The following CREB3L2 variants were observed in gnomAD, a reference collection of about 807,000 sequenced individuals.
The protein encoded by CREB3L2 is cyclic AMP-responsive element-binding protein 3-like protein 2.
CREB3L2 carries 23 observed loss-of-function variants against 57.2 expected under a neutral mutation model. The observed-to-expected ratio is 0.40, with a 90% CI of 0.29 to 0.57. CREB3L2 has a LOEUF of 0.57. CREB3L2 is among the 20% of genes least tolerant of loss of function. The pLI is 0.42. For missense variants in CREB3L2, 628 were observed against 634.7 expected (o/e 0.99, Z 0.11); for synonymous variants, 268 against 265.1 (o/e 1.01, Z -0.11).
intron 8 of CREB3L2, among the ~76,000 whole-genome samples, chr7:137,898,960 AAAGGAAGGAAGGAAGG>A (rs145339071): frequency 3.0e-5 from 4 of 132,734 alleles, no homozygotes; most frequent in African/African-American, 1.5e-4. Flanking sequence ...GGAAAGAAGG[AAAGGAAGGAAGGAAGG>A]AAGGAAGGAA....
At chr7:137,985,126 A>C (rs1801770439) in intron 1 of CREB3L2, among the ~76,000 whole-genome samples, 1 of 152,202 alleles carries the variant, frequency 6.6e-6, no homozygotes, top group South Asian at 2.1e-4. Flanking sequence ...ACCTACTGCA[A>C]TTGCCAAAGC....
chr7:137,992,618 G>A (rs1048885295), intron 1 of CREB3L2, among the ~76,000 whole-genome samples: 5 of 152,190 alleles, frequency 3.3e-5, no homozygotes, highest in African/African-American at 1.2e-4. Flanking sequence ...ATAAAAAACT[G>A]AGAACCAGAT....
At chr7:137,955,236 T>C (rs779180455) in intron 1 of CREB3L2, 5 of 1,271,158 alleles carry the variant, frequency 3.9e-6, no homozygotes, top group Non-Finnish European at 5.1e-6. Context: ...ACAGTAAGAA[T>C]CCATCCAACA....
rs187242094 is a variant in CREB3L2, at chr7:137,900,985, C to G, written c.1043+369G>C. Among the ~76,000 whole-genome samples the G allele has an allele frequency of 2.0e-5, 3 of 152,192 alleles. No individual in the cohort carries two copies. The East Asian group carries it at 5.8e-4, about 29-fold the overall frequency. ...ATTCTCCTCCAAGCCTCTTTTTTAACCCCCTAGTCATAGTCCTTGTCATGA... is the reference window on the plus strand; with the variant it reads ...ATTCTCCTCCAAGCCTCTTTTTTAAGCCCCTAGTCATAGTCCTTGTCATGA... On this transcript the variant is annotated intron_variant, in intron 8 of 11. Coordinates refer to ENST00000330387, the MANE Select transcript of CREB3L2 (RefSeq NM_194071.4).
At chr7:137,993,305 C>A (rs1231698115) in intron 1 of CREB3L2, among the ~76,000 whole-genome samples, 1 of 152,148 alleles carries the variant, frequency 6.6e-6, no homozygotes, top group Non-Finnish European at 1.5e-5. Flanking sequence ...CCCTCAACAT[C>A]AAAATGGCCT....
chr7:137,880,490 T>G lies in CREB3L2; in HGVS notation c.1549A>C (p.Asn517His). 6.2e-7 allele frequency: 1 copy of G among 1,613,588 alleles called. No individual in the cohort carries two copies. The highest frequency in any genetic ancestry group is 8.5e-7 in the Non-Finnish European group (1 of 1,179,684). Reference sequence around the variant, plus strand: ...AGGCAGCCTCTTTAGAAAGTGGTGTTCACTCTTCTGTCGAGTTCTACAACT... The same window carrying G: ...AGGCAGCCTCTTTAGAAAGTGGTGTGCACTCTTCTGTCGAGTTCTACAACT... ...LKVVELDRRV[N>H]TTF is the part of the protein sequence containing the mutation. Residue 517 changes from asparagine to histidine, a missense_variant, in exon 12 of 12, where the codon AAC becomes CAC. Around this residue, in one of 3 missense-constraint regions of CREB3L2, gnomAD observed 272 missense variants for 242.7 expected, o/e 1.12. Coordinates refer to ENST00000330387, the MANE Select transcript of CREB3L2 (RefSeq NM_194071.4). This position sits in a 1 kb window ranked among gnomAD's most constrained non-coding sequence, Gnocchi z 4.0.
At chr7:137,989,186 G>C (rs1017275939) in intron 1 of CREB3L2, among the ~76,000 whole-genome samples, 1 of 152,108 alleles carries the variant, frequency 6.6e-6, no homozygotes, top group African/African-American at 2.4e-5. Context: ...TGCAGTTCGT[G>C]CTCTCGCCTG....
chr7:137,981,381 A>G (rs1801708381), intron 1 of CREB3L2, among the ~76,000 whole-genome samples: 1 of 152,250 alleles, frequency 6.6e-6, no homozygotes, highest in Non-Finnish European at 1.5e-5. Context: ...ATTCATGTTT[A>G]CCAAGTTTTA....
chr7:137,908,229 A>G, intron 5 of CREB3L2, 23 bp downstream of exon 5: 1 of 1,252,296 alleles, frequency 8.0e-7, no homozygotes, highest in Non-Finnish European at 1.0e-6. Flanking sequence ...CCTTTGGTCC[A>G]GGAATGCCCG....
chr7:137,956,108 C>A (rs2117278658), intron 1 of CREB3L2, among the ~76,000 whole-genome samples: 1 of 152,322 alleles, frequency 6.6e-6, no homozygotes, highest in Admixed American at 6.5e-5. Context: ...GGTGGCAAGA[C>A]AGAACCATCA....
chr7:137,904,663 C>CAAAACAA (rs796576887), intron 6 of CREB3L2, among the ~76,000 whole-genome samples: 1 of 149,134 alleles, frequency 6.7e-6, no homozygotes, highest in East Asian at 2.0e-4. Context: ...GACTCCATCT[C>CAAAACAA]AAAACAAAAA....
rs757886677 is a variant in CREB3L2 at position 137,913,091 on chromosome 7, T to C, written c.496-13A>G. The C allele has an allele frequency of 3.9e-5, 62 of 1,609,714 alleles. No homozygotes were observed. Among genetic ancestry groups the C allele is most frequent in the Non-Finnish European group, 5.1e-6 (6 of 1,178,138 alleles). On this transcript the variant is annotated splice_polypyrimidine_tract_variant and intron_variant, in intron 3 of 11. Coordinates refer to ENST00000330387, the MANE Select transcript of CREB3L2 (RefSeq NM_194071.4). ...ACGAGGAATCAACCTGGAGGAAGAA[T>C]TTCAAACACAATTTTTAAAAACCAA...
intron 8 of CREB3L2, among the ~76,000 whole-genome samples, chr7:137,896,414 G>A (rs1338081435): frequency 2.0e-5 from 3 of 152,088 alleles, no homozygotes; most frequent in African/African-American, 2.4e-5. Flanking sequence ...TGATTCTCCC[G>A]CCTCAGCCTC....
intron 1 of CREB3L2, among the ~76,000 whole-genome samples, chr7:137,968,136 C>T (rs1801439976): frequency 6.6e-6 from 1 of 151,958 alleles, no homozygotes; most frequent in Non-Finnish European, 1.5e-5. Context: ...GTCGTTTCTA[C>T]CCCATTTTGG....
chr7:137,889,908 T>C (rs1490394799), intron 8 of CREB3L2, among the ~76,000 whole-genome samples: 1 of 152,186 alleles, frequency 6.6e-6, no homozygotes, highest in East Asian at 1.9e-4. Flanking sequence ...AGCTAATAAG[T>C]AGAGGACCTA....
rs1042994023 is a variant in CREB3L2, at chr7:137,999,872, T to C, written c.102+1732A>G. On this transcript the variant is annotated intron_variant, in intron 1 of 11. Transcript: ENST00000330387. Reference sequence around the variant, plus strand: ...GAAATAAAAGAAAAATAATCACACATTCCTGCTTTATCACAATGACAGAAA... The same window carrying C: ...GAAATAAAAGAAAAATAATCACACACTCCTGCTTTATCACAATGACAGAAA... 4 of 152,360 alleles carry C rather than the reference T, an allele frequency of 2.6e-5. No individual in the cohort carries two copies. The South Asian group carries it at 8.3e-4, about 32-fold the overall frequency. 9.4% of individuals were successfully genotyped at this position (152,360 alleles called of 1,614,324 possible).
intron 2 of CREB3L2, among the ~76,000 whole-genome samples, chr7:137,923,042 C>T (rs1800371149): frequency 6.6e-6 from 1 of 152,142 alleles, no homozygotes; most frequent in Non-Finnish European, 1.5e-5. Context: ...CTGGCCCGTT[C>T]CTGAGTATCT....
rs1440424035 is a variant in CREB3L2, at chr7:137,918,043, A to G, written c.320-2031T>C. 2.6e-5 allele frequency among the ~76,000 whole-genome samples: 4 copies of G among 152,252 alleles called. No individual in the cohort carries two copies. The East Asian group carries it at 7.7e-4, about 29-fold the overall frequency. On this transcript the variant is annotated intron_variant, in intron 2 of 11. Transcript: ENST00000330387. ...GAGCAACTGGACCACGAGCCAAAAGATTCCGTTGACTCTCCCCAAAGGAGC... is the reference window on the plus strand; with the variant it reads ...GAGCAACTGGACCACGAGCCAAAAGGTTCCGTTGACTCTCCCCAAAGGAGC...
At chr7:137,982,600 C>T (rs1801729606) in intron 1 of CREB3L2, among the ~76,000 whole-genome samples, 1 of 152,212 alleles carries the variant, frequency 6.6e-6, no homozygotes, top group Non-Finnish European at 1.5e-5. Context: ...CACAAGCTCT[C>T]TCTTGCTTGC....
Sources: gnomAD v4.1 joint callset for allele counts (sites outside exome capture counted in the v4.1 genomes callset) on GRCh38, gnomAD v4.1.1 for gene constraint, gnomAD v4.1.1 regional missense constraint, Gnocchi (gnomAD v3.1) non-coding constraint, MANE v1.5 for transcripts, NCBI Gene and HGNC (gene_info 2026-07-23, HGNC 2026-07-21) for gene names.